HPCAL1: variants seen among roughly 807,000 people sequenced by gnomAD.
The protein encoded by HPCAL1 is hippocalcin like 1, also known as hippocalcin-like protein 1.
A neutral mutation model predicts 17.1 loss-of-function variants in HPCAL1; 8 were observed. The ratio of observed to expected loss-of-function variants is 0.47; its 90% CI spans 0.27 to 0.84. The LOEUF (loss-of-function observed/expected upper bound fraction) is 0.84. Ranked by LOEUF, HPCAL1 falls within the 40% of genes least tolerant of loss-of-function variation. HPCAL1 has a pLI of 0.13. For missense variants in HPCAL1, 165 were observed against 271.1 expected (o/e 0.61, Z 2.75); for synonymous variants, 112 against 111.4 (o/e 1.01, Z -0.03).
intron 2 of HPCAL1, among the ~76,000 whole-genome samples, chr2:10,409,775 G>GTCTT (rs1553360092): frequency 2.3e-4 from 23 of 98,498 alleles, no homozygotes; most frequent in South Asian, 9.5e-4. Context: ...CTGAGCCTCA[G>GTCTT]TCTTTTTTTT....
chr2:10,398,819 C>T (rs752758894), intron 2 of HPCAL1, among the ~76,000 whole-genome samples: 57 of 152,244 alleles, frequency 3.7e-4, no homozygotes, highest in Non-Finnish European at 7.4e-4. Flanking sequence ...AGGCTGGGGC[C>T]TCAGCCTCAG....
intron 1 of HPCAL1, among the ~76,000 whole-genome samples, chr2:10,371,746 G>A (rs1453774615): frequency 6.6e-6 from 1 of 152,206 alleles, no homozygotes; most frequent in Non-Finnish European, 1.5e-5. Flanking sequence ...ACCTGGGCCT[G>A]CCCGGAAAGG....
chr2:10,411,785 C>T (rs375326969), intron 2 of HPCAL1, among the ~76,000 whole-genome samples: 18 of 152,320 alleles, frequency 1.2e-4, no homozygotes, highest in Admixed American at 4.6e-4. Context: ...AAAGATCCTC[C>T]AGTCCCCTGC....
chr2:10,339,961 G>C (rs1406503299), intron 1 of HPCAL1, among the ~76,000 whole-genome samples: 1 of 152,218 alleles, frequency 6.6e-6, no homozygotes, highest in African/African-American at 2.4e-5. Flanking sequence ...AGGGGTATGG[G>C]GAGGGGATTC....
rs369853869 is a variant in HPCAL1, at chr2:10,323,355, G to T, written c.-111+20178G>T. Among the ~76,000 whole-genome samples, 1 of 152,218 alleles carries T rather than the reference G, an allele frequency of 6.6e-6. No individual in the cohort carries two copies. The highest frequency in any genetic ancestry group is 1.5e-5 in the Non-Finnish European group (1 of 68,032). On this transcript the variant is annotated intron_variant, in intron 1 of 4. Coordinates refer to ENST00000307845, the MANE Select transcript of HPCAL1 (RefSeq NM_002149.4). The surrounding 1 kb of genome is among the most constrained non-coding windows in gnomAD (Gnocchi z 4.6). ...TAGAGCACCTTTCAGGGGGAATGGC[G>T]TAAAAAAGCCTTCCTTTCCAGTAGA...
chr2:10,406,336 C>G (rs1474021106), intron 2 of HPCAL1: 1 of 152,350 alleles, frequency 6.6e-6, no homozygotes, highest in African/African-American at 2.4e-5. Context: ...GACCTCTGTG[C>G]TCTGCGCCCG....
chr2:10,383,510 C>G (rs574250029), intron 1 of HPCAL1, among the ~76,000 whole-genome samples: 4 of 152,120 alleles, frequency 2.6e-5, no homozygotes, highest in Admixed American at 2.0e-4. Flanking sequence ...TTACAGGCAC[C>G]TGCCACCACA....
At chr2:10,398,881 A>G (rs1011821390) in intron 2 of HPCAL1, among the ~76,000 whole-genome samples, 4 of 152,090 alleles carry the variant, frequency 2.6e-5, no homozygotes, top group African/African-American at 9.7e-5. Context: ...TCTCAGCAGA[A>G]AATAGACACA....
rs1482264103 is a variant in HPCAL1 at position 10,344,062 on chromosome 2, G to T, written c.-111+40885G>T. ...GGTTACTGAGCTGTCGAAGGAGCAG[G>T]GATGAAGACTCCCTTATTAAAAACT... On this transcript the variant is annotated intron_variant, in intron 1 of 4. Coordinates refer to ENST00000307845, the MANE Select transcript of HPCAL1 (RefSeq NM_002149.4). The surrounding 1 kb of genome is among the most constrained non-coding windows in gnomAD (Gnocchi z 4.9). 1.3e-5 allele frequency among the ~76,000 whole-genome samples: 2 copies of T among 152,302 alleles called. No homozygotes were observed. The highest frequency in any genetic ancestry group is 4.8e-5 in the African/African-American group (2 of 41,572).
chr2:10,404,478 T>C (rs1669851185), intron 2 of HPCAL1, among the ~76,000 whole-genome samples: 1 of 152,230 alleles, frequency 6.6e-6, no homozygotes, highest in South Asian at 2.1e-4. Context: ...TGGCCTGTGC[T>C]GGTCAGCAGG....
chr2:10,322,817 A>G (rs1371595172), intron 1 of HPCAL1, among the ~76,000 whole-genome samples: 1 of 152,184 alleles, frequency 6.6e-6, no homozygotes, highest in African/African-American at 2.4e-5. Flanking sequence ...GCTCTGTGAC[A>G]CAAAGAAGAC....
chr2:10,341,285 C>T (rs941560268), intron 1 of HPCAL1, among the ~76,000 whole-genome samples: 1 of 151,868 alleles, frequency 6.6e-6, no homozygotes, highest in Admixed American at 6.6e-5. Flanking sequence ...CACGGTGAAA[C>T]CCCATCTCTA....
chr2:10,398,842 C>T lies in HPCAL1; in HGVS notation c.-25+1922C>T, dbSNP rs145412636. Among the ~76,000 whole-genome samples, 456 of 152,162 alleles carry T rather than the reference C, an allele frequency of 3.0e-3. 2 individuals carry two copies. The highest frequency in any genetic ancestry group is 0.011 in the African/African-American group (446 of 41,506). On this transcript the variant is annotated intron_variant, in intron 2 of 4. Coordinates refer to ENST00000307845, the MANE Select transcript of HPCAL1 (RefSeq NM_002149.4). ...GCCTCAGCCTCAGGGTGCCAGTTAG[C>T]GTGTGGTTAGCTGAGAAAAAAGTAT...
At chr2:10,364,220 G>A (rs544844064) in intron 1 of HPCAL1, among the ~76,000 whole-genome samples, 48 of 152,344 alleles carry the variant, frequency 3.2e-4, no homozygotes, top group African/African-American at 9.6e-4. Context: ...GCCTGGGGTC[G>A]AGTGTGGGAG....
At chr2:10,334,098 G>A (rs1394259760) in intron 1 of HPCAL1, among the ~76,000 whole-genome samples, 2 of 152,222 alleles carry the variant, frequency 1.3e-5, no homozygotes, top group Non-Finnish European at 2.9e-5. Context: ...TCTGCGGAGG[G>A]AAGTAGGGAT....
intron 4 of HPCAL1, chr2:10,424,113 C>A (rs1671254381): frequency 4.9e-6 from 1 of 205,304 alleles, no homozygotes; most frequent in Non-Finnish European, 1.0e-5. Context: ...AGAGGAAATA[C>A]TCCCTGGGTT....
At position 10,323,862 on chromosome 2, in the gene HPCAL1, G is replaced by A. The variant is rs1663827697; in HGVS notation, c.-111+20685G>A. Among the ~76,000 whole-genome samples the A allele has an allele frequency of 6.6e-6, 1 of 152,162 alleles. No homozygotes were observed. The highest frequency in any genetic ancestry group is 2.4e-5 in the African/African-American group (1 of 41,426). ...CGGAACTTCCATATACACTTCCACT[G>A]GCTACTTCATGGAAACATCTGGAAC... On this transcript the variant is annotated intron_variant, in intron 1 of 4. Transcript: ENST00000307845. This position sits in a 1 kb window ranked among gnomAD's most constrained non-coding sequence, Gnocchi z 4.6.
chr2:10,348,946 C>T (rs1665652513), intron 1 of HPCAL1, among the ~76,000 whole-genome samples: 2 of 152,222 alleles, frequency 1.3e-5, no homozygotes, highest in Admixed American at 1.3e-4. Flanking sequence ...AAGGGCCTGT[C>T]TGAATTCAAT....
chr2:10,419,678 C>T lies in HPCAL1; in HGVS notation c.-24-56C>T, dbSNP rs1192960700. 2.0e-6 allele frequency: 3 copies of T among 1,523,398 alleles called. No individual in the cohort carries two copies. The highest frequency in any genetic ancestry group is 2.5e-5 in the South Asian group (2 of 78,744). 94.4% of individuals were successfully genotyped at this position (1,523,398 alleles called of 1,614,324 possible). A position where few individuals can be genotyped will look rare whatever the true frequency, so the allele number is the denominator to read the frequency against. ...CTTATTTGGTCTCTCCGGCACATGG[C>T]TCAGCCCTGCTCCGTGGCCGTGGGT... On this transcript the variant is annotated intron_variant, in intron 2 of 4. Coordinates refer to ENST00000307845, the MANE Select transcript of HPCAL1 (RefSeq NM_002149.4). The surrounding 1 kb of genome is among the most constrained non-coding windows in gnomAD (Gnocchi z 5.0).
Sources: allele counts gnomAD v4.1 joint callset (sites outside exome capture counted in the v4.1 genomes callset), GRCh38; gene constraint gnomAD v4.1.1; non-coding constraint Gnocchi (gnomAD v3.1); transcripts MANE v1.5; gene names NCBI Gene and HGNC (gene_info 2026-07-23, HGNC 2026-07-21).